The following PRH1 variants were observed in gnomAD, a reference collection of about 807,000 sequenced individuals.
PRH1 encodes salivary acidic proline-rich phosphoprotein 1/2.
PRH1 carries 7 observed loss-of-function variants against 7.9 expected under a neutral mutation model. The ratio of observed to expected loss-of-function variants is 0.89; its 90% CI spans 0.50 to 1.67. PRH1 has a LOEUF of 1.67. Ranked by LOEUF, PRH1 falls within the 40% of genes most tolerant of loss-of-function variation. The pLI is 0.00. For synonymous variants in PRH1, 45 were observed against 80.8 expected (o/e 0.56, Z 2.38); for missense variants, 109 against 223.6 (o/e 0.49, Z 3.27).
intron 2 of PRH1, among the ~76,000 whole-genome samples, chr12:10,933,593 G>A (rs151129906): frequency 6.6e-5 from 10 of 151,948 alleles, no homozygotes; most frequent in African/African-American, 2.4e-4. Flanking sequence ...AATGAAGTCA[G>A]CAGAGGAAAA....
chr12:11,047,486 T>C (rs1446852281), upstream of PRH1, among the ~76,000 whole-genome samples: 1 of 150,448 alleles, frequency 6.6e-6, no homozygotes, highest in Admixed American at 6.6e-5. Flanking sequence ...GCAAAATAAA[T>C]GGAAATACTT....
At chr12:11,002,536 T>A (rs1262885256) in intron 1 of PRH1, among the ~76,000 whole-genome samples, 1 of 152,156 alleles carries the variant, frequency 6.6e-6, no homozygotes, top group African/African-American at 2.4e-5. Context: ...TGTACTTTCA[T>A]ATGAACTTCA....
chr12:10,993,238 A>G (rs1940030099), intron 1 of PRH1, among the ~76,000 whole-genome samples: 1 of 152,166 alleles, frequency 6.6e-6, no homozygotes, highest in South Asian at 2.1e-4. Context: ...ATTGGGAGAG[A>G]AAATCAAAAT....
chr12:11,072,188 T>C (rs1423475001), intron 1 of PRH1, among the ~76,000 whole-genome samples: 2 of 152,166 alleles, frequency 1.3e-5, no homozygotes, highest in African/African-American at 4.8e-5. Context: ...GCTCTCACCA[T>C]GTAGCCCAGG....
intron 1 of PRH1, among the ~76,000 whole-genome samples, chr12:11,148,695 TTTA>T: frequency 8.7e-6 from 1 of 115,028 alleles, no homozygotes; most frequent in East Asian, 2.1e-4. Context: ...TTGCCAGTAT[TTTA>T]TTGAGGATTT....
At chr12:11,099,939 C>T (rs1250910177) in intron 1 of PRH1, among the ~76,000 whole-genome samples, 7 of 152,106 alleles carry the variant, frequency 4.6e-5, no homozygotes, top group Admixed American at 4.6e-4. Context: ...TAGAAGAAAT[C>T]CTTTGGAGAG....
chr12:10,927,809 T>C lies in PRH1; in HGVS notation c.-58-43534A>G, dbSNP rs186280233. 3.0e-3 allele frequency among the ~76,000 whole-genome samples: 464 copies of C among 152,250 alleles called. 2 individuals carry two copies. The highest frequency in any genetic ancestry group is 5.4e-3 in the Non-Finnish European group (365 of 68,012). On this transcript the variant is annotated intron_variant, in intron 2 of 3. Coordinates refer to the PRH1 transcript ENST00000539853. ...TAGCCGTGCACAAAAAGTGAAAAAT[T>C]ACACAAGGCCTACACAAGGTCTGAA... is the stretch of plus-strand genomic sequence containing the variant.
chr12:11,161,698 T>C (rs1252782310), intron 1 of PRH1, among the ~76,000 whole-genome samples: 2 of 152,092 alleles, frequency 1.3e-5, no homozygotes, highest in African/African-American at 4.8e-5. Context: ...GTTTGGGGTA[T>C]CAAACAGCAA....
chr12:10,966,610 C>A (rs1478934535), intron 2 of PRH1, among the ~76,000 whole-genome samples: 4 of 152,108 alleles, frequency 2.6e-5, no homozygotes, highest in South Asian at 2.1e-4. Flanking sequence ...ATCCAGCAAA[C>A]CCAGCTTAGA....
At chr12:11,125,311 T>C (rs1413326274) in intron 1 of PRH1, among the ~76,000 whole-genome samples, 1 of 152,294 alleles carries the variant, frequency 6.6e-6, no homozygotes, top group Non-Finnish European at 1.5e-5. Context: ...GAATACTCTC[T>C]TGTTGGCTGT....
chr12:11,060,823 T>A (rs1454017450), intron 1 of PRH1, among the ~76,000 whole-genome samples: 2 of 152,258 alleles, frequency 1.3e-5, no homozygotes, highest in Non-Finnish European at 2.9e-5. Context: ...TAGGAATTCA[T>A]AATGGAATAA....
chr12:11,072,763 G>A lies in PRH1; in HGVS notation n.124-25575C>T, dbSNP rs564914127. On this transcript the variant is annotated intron_variant and non_coding_transcript_variant, in intron 1 of 4. Coordinates refer to the PRH1 transcript ENST00000541977. ...GCAGAGCTTCTGGCACTTTGCATGT[G>A]GCTCTCGATTAAGTGAATATTTCTT... 2.8e-5 allele frequency among the ~76,000 whole-genome samples: 4 copies of A among 141,044 alleles called. No homozygotes were observed. In the South Asian group the frequency reaches 6.5e-4, roughly 23 times the overall value. 92.5% of individuals were successfully genotyped at this position (141,044 alleles called of 152,430 possible).
intron 1 of PRH1, among the ~76,000 whole-genome samples, chr12:10,983,798 G>C (rs1939476681): frequency 6.6e-6 from 1 of 152,126 alleles, no homozygotes; most frequent in South Asian, 2.1e-4. Context: ...CATCAGCAGA[G>C]TCATATCATA....
At chr12:10,924,643 G>C (rs1950100460) in intron 2 of PRH1, among the ~76,000 whole-genome samples, 1 of 152,110 alleles carries the variant, frequency 6.6e-6, no homozygotes, top group Non-Finnish European at 1.5e-5. Context: ...GACTTTTTTT[G>C]GTTGGTAGGC....
intron 1 of PRH1, among the ~76,000 whole-genome samples, chr12:11,142,216 G>A (rs1413007235): frequency 3.3e-5 from 5 of 152,186 alleles, no homozygotes; most frequent in Non-Finnish European, 5.9e-5. Context: ...AGTTGTACAA[G>A]CAACGATGAC....
chr12:11,083,517 T>TTTCATTATTGTGAAATATTTAA (rs1265392784), intron 1 of PRH1, among the ~76,000 whole-genome samples: 1 of 138,520 alleles, frequency 7.2e-6, no homozygotes, highest in African/African-American at 3.2e-5. Flanking sequence ...AATATTTTTA[T>TTTCATTATTGTGAAATATTTAA]TATTGTGAAA....
chr12:11,014,875 A>C lies in PRH1; in HGVS notation c.-126+32145T>G, dbSNP rs535708841. On this transcript the variant is annotated intron_variant, in intron 1 of 3. Coordinates refer to the PRH1 transcript ENST00000539853. ...AGTCAGGCATGAGCGGGGCAGAAGA[A>C]GGCTCTCACCACCCACCAGGAATGT... Among the ~76,000 whole-genome samples the C allele has an allele frequency of 2.2e-4, 33 of 152,184 alleles. No individual in the cohort carries two copies. In the East Asian group the frequency reaches 6.2e-3, roughly 29 times the overall value.
chr12:10,892,356 T>A, intron 2 of PRH1, among the ~76,000 whole-genome samples: 1 of 152,280 alleles, frequency 6.6e-6, no homozygotes, highest in African/African-American at 2.4e-5. Flanking sequence ...ACTAAATCCA[T>A]CAGAAGTAAC....
At chr12:10,956,201 C>A (rs1197554444) in intron 2 of PRH1, among the ~76,000 whole-genome samples, 1 of 152,080 alleles carries the variant, frequency 6.6e-6, no homozygotes, top group Non-Finnish European at 1.5e-5. Context: ...TTGAATCCAG[C>A]AGCACATCAA....
Sources: allele counts gnomAD v4.1 joint callset (sites outside exome capture counted in the v4.1 genomes callset), GRCh38; gene constraint gnomAD v4.1.1; transcripts MANE v1.5; gene names NCBI Gene and HGNC (gene_info 2026-07-23, HGNC 2026-07-21).